The following TNNT3 variants were observed in gnomAD, a reference collection of about 807,000 sequenced individuals.
TNNT3 encodes the protein troponin T, fast skeletal muscle.
In TNNT3, 36 loss-of-function variants were observed where a neutral mutation model predicts 54.2. The ratio of observed to expected loss-of-function variants is 0.66; its 90% CI spans 0.51 to 0.88. TNNT3 has a LOEUF of 0.88. Among genes scored for constraint, TNNT3 ranks in the 40% least tolerant of loss-of-function variants. The pLI is 0.00. For missense variants in TNNT3, 291 were observed against 331.6 expected (o/e 0.88, Z 0.95); for synonymous variants, 120 against 109.7 (o/e 1.09, Z -0.59).
At chr11:1,931,939 G>C (rs1026674216) in intron 8 of TNNT3, among the ~76,000 whole-genome samples, 2 of 152,120 alleles carry the variant, frequency 1.3e-5, no homozygotes, top group Non-Finnish European at 2.9e-5. Flanking sequence ...GTGAGAGGAG[G>C]GGACTGCACA....
intron 8 of TNNT3, among the ~76,000 whole-genome samples, chr11:1,932,088 CA>C: frequency 6.6e-6 from 1 of 152,216 alleles, no homozygotes; most frequent in Non-Finnish European, 1.5e-5. Context: ...CATTCCTGCC[CA>C]GGGAGGCCAC....
intron 15 of TNNT3, among the ~76,000 whole-genome samples, chr11:1,937,671 C>T (rs1195680962): frequency 6.6e-6 from 1 of 152,198 alleles, no homozygotes; most frequent in Non-Finnish European, 1.5e-5. Flanking sequence ...CTTGGAGTTT[C>T]GATGTTTTCT....
rs376231682 is a variant in TNNT3, at chr11:1,934,929, G to A, written c.681+10G>A. On this transcript the variant is annotated intron_variant, in intron 14 of 15. Transcript: ENST00000278317. Reference sequence around the variant, plus strand: ...ACGCCAGAAATATGACGTGAGTCCCGGCACCTCCGGCCCTGGGGCCCTAGC... The same window carrying A: ...ACGCCAGAAATATGACGTGAGTCCCAGCACCTCCGGCCCTGGGGCCCTAGC... The A allele has an allele frequency of 2.9e-5, 47 of 1,612,644 alleles. No homozygotes were observed. The highest frequency in any genetic ancestry group is 3.8e-5 in the Non-Finnish European group (45 of 1,179,576).
At position 1,928,834 on chromosome 11, in the gene TNNT3, C is replaced by A; in HGVS notation, c.83-286C>A. The A allele has an allele frequency of 1.2e-3, 29 of 25,184 alleles. 11 individuals carry two copies. Among genetic ancestry groups the A allele is most frequent in the East Asian group, 6.3e-3 (2 of 318 alleles). 1.6% of individuals were successfully genotyped at this position (25,184 alleles called of 1,614,324 possible). On this transcript the variant is annotated intron_variant, in intron 6 of 15. Transcript: ENST00000278317. ...ACAGATGAGACCCAGTGCCCTTAGC[C>A]CCCCACCTTGCCCCGCGAGGTCCCC...
At chr11:1,930,246 G>C (rs949915960) in intron 8 of TNNT3, among the ~76,000 whole-genome samples, 2 of 152,106 alleles carry the variant, frequency 1.3e-5, no homozygotes, top group Non-Finnish European at 2.9e-5. Context: ...GGTGCAGGGA[G>C]TCTGGCCACC....
rs763008145 is a variant in TNNT3, at chr11:1,934,570, C to G, written c.505C>G (p.Gln169Glu). 6 of 1,609,694 alleles carry G rather than the reference C, an allele frequency of 3.7e-6. No individual in the cohort carries two copies. In the African/African-American group the frequency reaches 6.7e-5, roughly 18 times the overall value. Residue 169 changes from glutamine to glutamate, a missense_variant, in exon 13 of 16, where the codon CAG becomes GAG. By Grantham distance (29) the Gln-to-Glu change is conservative. Coordinates refer to ENST00000278317, the MANE Select transcript of TNNT3 (RefSeq NM_006757.4). ...AKADQKRGKK[Q>E]TAREMKKKIL... The stretch of plus-strand genomic sequence containing the variant: ...GGCTGACCAGAAGAGAGGCAAGAAG[C>G]AGACAGCCCGGGAAATGAAGAAGAA...
intron 5 of TNNT3, chr11:1,926,421 C>T (rs1352509699): frequency 5.1e-5 from 83 of 1,612,788 alleles, no homozygotes; most frequent in Non-Finnish European, 6.9e-5. Context: ...CCATTGACCT[C>T]TGACCCGCGG....
rs1423750191 is a variant in TNNT3 at position 1,934,460 on chromosome 11, T to C, written c.480+15T>C. On this transcript the variant is annotated intron_variant, in intron 12 of 15. Coordinates refer to ENST00000278317, the MANE Select transcript of TNNT3 (RefSeq NM_006757.4). ...ACCTGGCCAAGGTGTGTGCCGCTGC[T>C]GGGAGCACGGTGGTAGCCTTCAGTG... 3 of 1,612,414 alleles carry C rather than the reference T, an allele frequency of 1.9e-6. No homozygotes were observed. The highest frequency in any genetic ancestry group is 2.5e-6 in the Non-Finnish European group (3 of 1,179,368).
At chr11:1,926,362 C>A in intron 5 of TNNT3, 1 of 1,414,608 alleles carries the variant, frequency 7.1e-7, no homozygotes, top group South Asian at 1.1e-5. Flanking sequence ...CGCACCCCAC[C>A]CTCGGCCTCG....
rs1411523651 is a variant in TNNT3, at chr11:1,935,094, G to T, written c.681+175G>T. On this transcript the variant is annotated intron_variant, in intron 14 of 15. Coordinates refer to ENST00000278317, the MANE Select transcript of TNNT3 (RefSeq NM_006757.4). ...CTGGCTGAGGCTGCTTTCCTGCTGG[G>T]GACTGTGGCCAGAGCCCGTCCTCCT... 4.3e-6 allele frequency: 3 copies of T among 702,012 alleles called. No individual in the cohort carries two copies. In the African/African-American group the frequency reaches 5.3e-5, roughly 12 times the overall value. The allele number at this position is 702,012 out of a possible 1,614,324, so 43.5% of individuals were successfully genotyped here. A position where few individuals can be genotyped will look rare whatever the true frequency, so the allele number is the denominator to read the frequency against.
In TNNT3 at chr11:1,933,962, A is replaced by G; in HGVS notation, c.320A>G (p.Gln107Arg). 6.2e-7 allele frequency: 1 copy of G among 1,612,736 alleles called. No individual in the cohort carries two copies. The highest frequency in any genetic ancestry group is 8.5e-7 in the Non-Finnish European group (1 of 1,179,968). Residue 107 changes from glutamine to arginine, a missense_variant, in exon 11 of 16, where the codon CAG (glutamine) becomes CGG (arginine). Coordinates refer to ENST00000278317, the MANE Select transcript of TNNT3 (RefSeq NM_006757.4). ...CGCCGTGCAGAGAGAGCGGAGCAGC[A>G]GAGGATTCGTGCAGAGAAGGAGAGG... is the stretch of plus-strand genomic sequence containing the variant. ...EKRRAERAEQ[Q>R]RIRAEKERER... is the part of the protein sequence containing the mutation.
intron 1 of TNNT3, 99 bp from the exon 2 acceptor site, chr11:1,922,758 A>C (rs558402514): frequency 2.5e-6 from 3 of 1,208,238 alleles, no homozygotes; most frequent in South Asian, 2.4e-5. Flanking sequence ...GGTCCCCCAC[A>C]GCGCTGCTCC....
Position 1,925,175 on chromosome 11 carries a change from C to A in TNNT3, c.67+59C>A, listed in dbSNP as rs931180502. The A allele has an allele frequency of 4.2e-5, 68 of 1,600,040 alleles. 2 individuals carry two copies. Among genetic ancestry groups the A allele is most frequent in the South Asian group, 4.2e-4 (37 of 89,122 alleles). ...CACTCCCCAGCCTTCCCGCCCCACCCAAAGTTGACCTCCACCCCGCCTCTA... is the reference window on the plus strand; with the variant it reads ...CACTCCCCAGCCTTCCCGCCCCACCAAAAGTTGACCTCCACCCCGCCTCTA... On this transcript the variant is annotated intron_variant, in intron 5 of 15. Coordinates refer to ENST00000278317, the MANE Select transcript of TNNT3 (RefSeq NM_006757.4).
chr11:1,934,056 G>T, intron 11 of TNNT3, 48 bp downstream of exon 11: 1 of 1,580,268 alleles, frequency 6.3e-7, no homozygotes, highest in East Asian at 2.3e-5. Flanking sequence ...TGAGCCCCAG[G>T]CCCAGAGAAA....
rs767628792 is a variant in TNNT3 at position 1,926,330 on chromosome 11, C to G, written c.68-365C>G. On this transcript the variant is annotated intron_variant, in intron 5 of 15. Coordinates refer to ENST00000278317, the MANE Select transcript of TNNT3 (RefSeq NM_006757.4). ...TGGCCGCGCCTGGGCTAACTCTGACCGTGTCTTGCTCGCTCCCCGCACGCA... is the reference window on the plus strand; with the variant it reads ...TGGCCGCGCCTGGGCTAACTCTGACGGTGTCTTGCTCGCTCCCCGCACGCA... 4 of 1,054,668 alleles carry G rather than the reference C, an allele frequency of 3.8e-6. No individual in the cohort carries two copies. The East Asian group carries it at 7.1e-5, about 19-fold the overall frequency. The allele number at this position is 1,054,668 out of a possible 1,614,324, so 65.3% of individuals were successfully genotyped here.
intron 13 of TNNT3, 71 bp downstream of exon 13, chr11:1,934,726 G>A: frequency 3.1e-6 from 5 of 1,599,516 alleles, no homozygotes; most frequent in Non-Finnish European, 4.3e-6. Flanking sequence ...TGCTCCTCAG[G>A]CTGCCAAGGA....
intron 6 of TNNT3, 150 bp downstream of exon 6, chr11:1,926,859 TG>T: frequency 1.9e-6 from 2 of 1,051,650 alleles, no homozygotes; most frequent in South Asian, 2.6e-5. Context: ...GTGAGGACCC[TG>T]GCTTGGGAAG....
At chr11:1,934,494 G>A (rs764032563) in intron 12 of TNNT3, 49 bp downstream of exon 12, 6 of 1,607,320 alleles carry the variant, frequency 3.7e-6, no homozygotes, top group East Asian at 2.2e-5. Flanking sequence ...TGTGGGCTAC[G>A]CCCTGTGCCC....
intron 6 of TNNT3, chr11:1,928,098 A>T (rs1360822519): frequency 6.5e-6 from 1 of 153,310 alleles, no homozygotes; most frequent in East Asian, 1.9e-4. Flanking sequence ...CTGGCAAGGC[A>T]GGACCCCCAC....
Sources: allele counts gnomAD v4.1 joint callset (sites outside exome capture counted in the v4.1 genomes callset), GRCh38; gene constraint gnomAD v4.1.1; transcripts MANE v1.5; gene names NCBI Gene and HGNC (gene_info 2026-07-23, HGNC 2026-07-21).